The following PAEP variants were observed in gnomAD, a reference collection of about 807,000 sequenced individuals.
The protein encoded by PAEP is glycodelin.
In PAEP, 28 loss-of-function variants were observed where a neutral mutation model predicts 23.0. The ratio of observed to expected loss-of-function variants is 1.22; its 90% confidence interval spans 0.90 to 1.67. The LOEUF is 1.67. Among genes scored for constraint, PAEP ranks in the 40% most tolerant of loss-of-function variants. The pLI is 0.00. For missense variants in PAEP, 209 were observed against 226.4 expected (o/e 0.92, Z 0.49); for synonymous variants, 103 against 92.4 (o/e 1.12, Z -0.66).
intron 4 of PAEP, 145 bp from the exon 5 acceptor site, chr9:135,565,265 A>T: frequency 1.5e-6 from 1 of 679,026 alleles, no homozygotes; most frequent in East Asian, 2.7e-5. Context: ...AGACCGCCCT[A>T]GGGACCTACT....
intron 6 of PAEP, chr9:135,566,128 G>T (rs1832569386): frequency 2.9e-6 from 1 of 343,866 alleles, no homozygotes; most frequent in East Asian, 5.3e-5. Context: ...ACATGGAAGG[G>T]CATGAGAAGC....
In PAEP at chr9:135,564,202, G is replaced by A. The variant is rs377273738; in HGVS notation, c.311-42G>A. 22 of 1,550,268 alleles carry A rather than the reference G, an allele frequency of 1.4e-5. No individual in the cohort carries two copies. The African/African-American group carries it at 1.5e-4, about 11-fold the overall frequency. ...CACCTGCACAGGACTCTGCTGAGAC[G>A]GAGGCTTCATCTTCCTTTTGGTTCT... On this transcript the variant is annotated intron_variant, in intron 3 of 6. Transcript: ENST00000479141.
intron 6 of PAEP, 81 bp downstream of exon 6, chr9:135,565,882 G>A: frequency 6.9e-7 from 1 of 1,454,182 alleles, no homozygotes; most frequent in Non-Finnish European, 9.7e-7. Context: ...GGGCCCCTGG[G>A]ACAGACCCTA....
At position 135,564,258 on chromosome 9, in the gene PAEP, G is replaced by A. The variant is rs1032649481; in HGVS notation, c.325G>A (p.Glu109Lys). 12 of 1,552,886 alleles carry A rather than the reference G, an allele frequency of 7.7e-6. No homozygotes were observed. Among genetic ancestry groups the A allele is most frequent in the East Asian group, 2.4e-5 (1 of 41,168 alleles). The stretch of plus-strand genomic sequence containing the variant: ...TCTTTCCCCAGATACGGTGGCGAAC[G>A]AGGCCACGCTGCTCGATACTGACTA... ...KFKINYTVAN[E>K]ATLLDTDYDN... Residue 109 changes from glutamate (E) to lysine (K), a missense_variant, in exon 4 of 7, where the codon GAG becomes AAG. Glu to Lys is a moderately conservative substitution (Grantham distance 56). Transcript: ENST00000479141.
Position 135,565,393 on chromosome 9 carries a change from C to T in PAEP, c.422-17C>T. ...GGAAGCCCCAGGGGCCCAGGACTGA[C>T]CCAGCCTCTTCCACAGCCAGAGTCC... On this transcript the variant is annotated splice_polypyrimidine_tract_variant and intron_variant, in intron 4 of 6. Transcript: ENST00000479141. 1.2e-6 allele frequency: 2 copies of T among 1,608,508 alleles called. No individual in the cohort carries two copies. Among genetic ancestry groups the T allele is most frequent in the South Asian group, 2.2e-5 (2 of 90,972 alleles).
chr9:135,565,902 G>T, intron 6 of PAEP, 101 bp downstream of exon 6: 1 of 1,294,676 alleles, frequency 7.7e-7, no homozygotes, highest in Non-Finnish European at 1.1e-6. Context: ...ACTGTGTCCA[G>T]TTCAGGGCTG....
chr9:135,563,511 TGGGC>T lies in PAEP; in HGVS notation c.310+619_310+622del, dbSNP rs1402623639. The stretch of plus-strand genomic sequence containing the variant: ...GTGGGCAGGTGGGTAGGTGAACAGG[TGGGC>T]AGGTGGGCAGGTGGGCAGGTGGGCA... On this transcript the variant is annotated intron_variant, in intron 3 of 6. Transcript: ENST00000479141. Among the ~76,000 whole-genome samples the T allele has an allele frequency of 2.6e-4, 38 of 147,270 alleles. No homozygotes were observed. The East Asian group carries it at 3.1e-3, about 12-fold the overall frequency.
intron 2 of PAEP, 24 bp from the exon 3 acceptor site, chr9:135,562,796 C>G (rs1283439387): frequency 1.6e-5 from 26 of 1,593,430 alleles, no homozygotes; most frequent in Non-Finnish European, 2.2e-5. Flanking sequence ...AGTGGCCACT[C>G]ATCCTATTGT....
intron 2 of PAEP, 44 bp downstream of exon 2, chr9:135,562,477 TC>T: frequency 6.3e-7 from 1 of 1,598,020 alleles, no homozygotes; most frequent in Non-Finnish European, 8.5e-7. Context: ...GGGCTCAGTC[TC>T]CCCCCTCAGG....
intron 1 of PAEP, 93 bp from the exon 2 acceptor site, chr9:135,562,201 G>C: frequency 1.4e-6 from 2 of 1,424,108 alleles, no homozygotes; most frequent in East Asian, 4.7e-5. Context: ...AATGCTCACT[G>C]TACCCATCCC....
At chr9:135,565,726 T>C (rs943476049) in intron 5 of PAEP, 59 bp from the exon 6 acceptor site, 1 of 1,596,444 alleles carries the variant, frequency 6.3e-7, no homozygotes, top group East Asian at 2.2e-5. Flanking sequence ...CTGGGGCTGC[T>C]GTGTCCCCAG....
In PAEP at chr9:135,565,966, C is replaced by T. The variant is rs372744949; in HGVS notation, c.*165C>T. Reference sequence around the variant, plus strand: ...CTTGTGATTCCAGAAAGCCAGGCTGCTGACGTCCCCATTCACGAGCCCAGC... The same window carrying T: ...CTTGTGATTCCAGAAAGCCAGGCTGTTGACGTCCCCATTCACGAGCCCAGC... On this transcript the variant is annotated intron_variant, in intron 6 of 6. Transcript: ENST00000479141. 1.1e-4 allele frequency: 80 copies of T among 760,728 alleles called. No individual in the cohort carries two copies. The Middle Eastern group carries it at 2.1e-3, about 20-fold the overall frequency. 47.1% of individuals were successfully genotyped at this position (760,728 alleles called of 1,614,324 possible).
At chr9:135,565,218 G>C in intron 4 of PAEP, 192 bp from the exon 5 acceptor site, 2 of 601,646 alleles carry the variant, frequency 3.3e-6, no homozygotes, top group Non-Finnish European at 6.0e-6. Flanking sequence ...GGGAGCTGGG[G>C]TCAGGGAACC....
At chr9:135,566,036 A>G (rs1164350048) in intron 6 of PAEP, among the ~76,000 whole-genome samples, 5 of 152,030 alleles carry the variant, frequency 3.3e-5, no homozygotes, top group African/African-American at 1.2e-4. Context: ...TGTGCCCTAT[A>G]GTCAGACCTC....
Position 135,565,416 on chromosome 9 carries a change from TCCTG to T in PAEP, c.429_432del (p.Leu144TrpfsTer27). The T allele has an allele frequency of 6.2e-7, 1 of 1,613,776 alleles. No homozygotes were observed. The highest frequency in any genetic ancestry group is 8.5e-7 in the Non-Finnish European group (1 of 1,179,848). On this transcript the variant is annotated frameshift_variant, in exon 5 of 7. Transcript: ENST00000479141. LOFTEE classifies it high-confidence loss of function. ...GACCCAGCCTCTTCCACAGCCAGAG[TCCTG>T]GTGGAGGACGATGAGATCATGCAGG...
Position 135,562,370 on chromosome 9 carries a change from G to A in PAEP, c.173G>A (p.Arg58Lys). ...ATGGCGACACTGAAGGCCCCTCTGAGGGTCCACATCACCTCACTGTTGCCC... is the reference window on the plus strand; with the variant it reads ...ATGGCGACACTGAAGGCCCCTCTGAAGGTCCACATCACCTCACTGTTGCCC... ...SLMATLKAPL[R>K]VHITSLLPTP... The change falls in exon 2 of 7, where the codon AGG (arginine) becomes AAG (lysine). Residue 58 changes from arginine to lysine, a missense_variant. Physicochemically the swap from Arg to Lys is conservative, Grantham distance 26 (BLOSUM62 2). Transcript: ENST00000479141. 1.2e-6 allele frequency: 2 copies of A among 1,614,152 alleles called. No individual in the cohort carries two copies. Among genetic ancestry groups the A allele is most frequent in the Admixed American group, 1.7e-5 (1 of 60,018 alleles).
intron 3 of PAEP, among the ~76,000 whole-genome samples, chr9:135,563,562 C>T (rs1208041561): frequency 1.3e-5 from 2 of 151,586 alleles, no homozygotes; most frequent in Non-Finnish European, 2.9e-5. Context: ...GGCTGCTGTT[C>T]CCGTGGGCCT....
chr9:135,566,771 A>G lies in PAEP; in HGVS notation c.*219A>G, dbSNP rs1457329713. Reference sequence around the variant, plus strand: ...GCAGAGGTTATTAATAAACCCTTGGAGCATGTCCTGTCTGGATGCGCAGCC... The same window carrying G: ...GCAGAGGTTATTAATAAACCCTTGGGGCATGTCCTGTCTGGATGCGCAGCC... On this transcript the variant is annotated 3_prime_UTR_variant, in exon 7 of 7. Coordinates refer to ENST00000479141, the MANE Select transcript of PAEP (RefSeq NM_002571.4). 1 of 154,844 alleles carries G rather than the reference A, an allele frequency of 6.5e-6. No homozygotes were observed. Among genetic ancestry groups the G allele is most frequent in the African/African-American group, 2.4e-5 (1 of 41,512 alleles). The allele number at this position is 154,844 out of a possible 1,614,324, so 9.6% of individuals were successfully genotyped here. A position where few individuals can be genotyped will look rare whatever the true frequency, so the allele number is the denominator to read the frequency against.
chr9:135,562,579 TG>T, intron 2 of PAEP, 146 bp downstream of exon 2: 1 of 1,125,692 alleles, frequency 8.9e-7, no homozygotes, highest in Non-Finnish European at 1.3e-6. Context: ...TCCATGAGGG[TG>T]GGGTGGAAAA....
Sources: allele counts gnomAD v4.1 joint callset (sites outside exome capture counted in the v4.1 genomes callset), GRCh38; gene constraint gnomAD v4.1.1; transcripts MANE v1.5; gene names NCBI Gene and HGNC (gene_info 2026-07-23, HGNC 2026-07-21).